Variants in CERS3 observed in about 807,000 individuals in gnomAD.
CERS3 encodes the protein LAG1 homolog, ceramide synthase 3.
A neutral mutation model predicts 50.3 loss-of-function variants in CERS3; 33 were observed. That is an observed-to-expected ratio of 0.66 (90% confidence interval 0.50 to 0.88). The LOEUF (loss-of-function observed/expected upper bound fraction) is 0.88, where lower values mean the gene tolerates loss of function less well. CERS3 is among the 40% of genes least tolerant of loss of function. CERS3 has a pLI of 0.00. For missense variants in CERS3, 470 were observed against 460.3 expected (o/e 1.02, Z -0.19); for synonymous variants, 176 against 155.2 (o/e 1.13, Z -0.99).
chr15:100,442,073 C>T (rs1160403644), intron 11 of CERS3, among the ~76,000 whole-genome samples: 1 of 152,180 alleles, frequency 6.6e-6, no homozygotes, highest in African/African-American at 2.4e-5. Context: ...CCCCTACCTG[C>T]CCAGCAATTT....
intron 11 of CERS3, among the ~76,000 whole-genome samples, chr15:100,404,674 C>G (rs2030847205): frequency 6.6e-6 from 1 of 152,094 alleles, no homozygotes; most frequent in South Asian, 2.1e-4. Flanking sequence ...TAAAGCAATT[C>G]TGAAAAACAT....
intron 11 of CERS3, among the ~76,000 whole-genome samples, chr15:100,443,205 C>T (rs1464236251): frequency 6.6e-6 from 1 of 150,422 alleles, no homozygotes; most frequent in Non-Finnish European, 1.5e-5. Context: ...ACCTCTACTC[C>T]CTCCTTGGTG....
intron 6 of CERS3, 88 bp downstream of exon 6, chr15:100,479,897 TATTG>T (rs1022283846): frequency 1.1e-6 from 1 of 876,172 alleles, no homozygotes; most frequent in Admixed American, 2.5e-5. Context: ...CTGGTTATCT[TATTG>T]AAAGTACTAT....
intron 7 of CERS3, 113 bp downstream of exon 7, chr15:100,479,315 G>T: frequency 1.4e-6 from 1 of 707,200 alleles, no homozygotes. Flanking sequence ...AAAAGTGCCA[G>T]GGATGACACA....
intron 2 of CERS3, among the ~76,000 whole-genome samples, chr15:100,516,941 A>G (rs1026414840): frequency 2.0e-5 from 3 of 152,222 alleles, no homozygotes; most frequent in African/African-American, 7.2e-5. Context: ...CCCAGGACCT[A>G]GCGACCTGCT....
At chr15:100,457,696 T>TACCCC (rs2034421515) in intron 10 of CERS3, among the ~76,000 whole-genome samples, 1 of 152,224 alleles carries the variant, frequency 6.6e-6, no homozygotes, top group Non-Finnish European at 1.5e-5. Flanking sequence ...AGGGGTAGAA[T>TACCCC]TGTGTGCCAT....
intron 1 of CERS3, among the ~76,000 whole-genome samples, chr15:100,543,533 C>CTT (rs61663663): frequency 3.6e-5 from 5 of 139,754 alleles, no homozygotes; most frequent in African/African-American, 1.3e-4. Flanking sequence ...TCCTTTCTTT[C>CTT]TTTTTTTTTT....
At chr15:100,443,753 T>C (rs1407029867) in intron 11 of CERS3, among the ~76,000 whole-genome samples, 6 of 151,806 alleles carry the variant, frequency 4.0e-5, no homozygotes, top group Non-Finnish European at 8.8e-5. Flanking sequence ...ACACGTGCTC[T>C]CCCTGCCGAT....
intron 11 of CERS3, 110 bp downstream of exon 11, chr15:100,455,782 GA>G: frequency 1.3e-6 from 1 of 754,560 alleles, no homozygotes; most frequent in Non-Finnish European, 1.9e-6. Flanking sequence ...ATAAAATCAA[GA>G]AAAAAGAATT....
At chr15:100,452,621 T>C (rs760998901) in intron 11 of CERS3, among the ~76,000 whole-genome samples, 1 of 151,078 alleles carries the variant, frequency 6.6e-6, no homozygotes, top group Non-Finnish European at 1.5e-5. Flanking sequence ...ATAAACCAAA[T>C]GCAAAATTAA....
At chr15:100,427,567 G>C (rs1027533100) in intron 11 of CERS3, among the ~76,000 whole-genome samples, 1 of 152,166 alleles carries the variant, frequency 6.6e-6, no homozygotes, top group Non-Finnish European at 1.5e-5. Context: ...CAGAGCCCCA[G>C]GTGCCTGGAT....
intron 2 of CERS3, among the ~76,000 whole-genome samples, chr15:100,510,575 G>C (rs1387755044): frequency 6.6e-6 from 1 of 152,240 alleles, no homozygotes; most frequent in African/African-American, 2.4e-5. Flanking sequence ...GTTACACCTG[G>C]TATGTGGCTG....
At chr15:100,432,730 T>C (rs1221119074) in intron 11 of CERS3, among the ~76,000 whole-genome samples, 1 of 151,820 alleles carries the variant, frequency 6.6e-6, no homozygotes, top group Non-Finnish European at 1.5e-5. Context: ...TTCGAAAGAG[T>C]TGTATGTATT....
intron 1 of CERS3, among the ~76,000 whole-genome samples, chr15:100,522,859 C>G (rs911952940): frequency 1.3e-5 from 2 of 152,108 alleles, no homozygotes. Context: ...AGTGGAAACG[C>G]CAGGTCATAA....
chr15:100,442,513 G>A (rs1316895244), intron 11 of CERS3, among the ~76,000 whole-genome samples: 1 of 152,192 alleles, frequency 6.6e-6, no homozygotes, highest in African/African-American at 2.4e-5. Context: ...TACCTGAACT[G>A]CAGCGGCCAG....
intron 1 of CERS3, among the ~76,000 whole-genome samples, chr15:100,538,210 G>A (rs932840553): frequency 1.3e-5 from 2 of 152,180 alleles, no homozygotes; most frequent in African/African-American, 4.8e-5. Flanking sequence ...GGCTGGCATT[G>A]AGTGTTTGTG....
chr15:100,539,059 G>A lies in CERS3; in HGVS notation c.-355+5592C>T, dbSNP rs568203957. ...AAGTTCCACAGATCTCTAGGGCAGGGGAAAAATGCCACCAGCCTCTTTGCC... is the reference window on the plus strand; with the variant it reads ...AAGTTCCACAGATCTCTAGGGCAGGAGAAAAATGCCACCAGCCTCTTTGCC... On this transcript the variant is annotated intron_variant, in intron 1 of 12. Transcript: ENST00000284382. Among the ~76,000 whole-genome samples, 96 of 152,188 alleles carry A rather than the reference G, an allele frequency of 6.3e-4. 1 individual carries two copies. Among genetic ancestry groups the A allele is most frequent in the African/African-American group, 2.3e-3 (95 of 41,490 alleles).
At chr15:100,432,671 G>T (rs2033193445) in intron 11 of CERS3, among the ~76,000 whole-genome samples, 1 of 152,326 alleles carries the variant, frequency 6.6e-6, no homozygotes, top group Non-Finnish European at 1.5e-5. Context: ...TAGAACAAGA[G>T]AGTGATGAGG....
chr15:100,444,353 A>G (rs2033842379), intron 11 of CERS3, among the ~76,000 whole-genome samples: 2 of 121,854 alleles, frequency 1.6e-5, no homozygotes. Context: ...CCGGACTTCA[A>G]TCCGGCCTCC....
Sources: allele counts gnomAD v4.1 joint callset (sites outside exome capture counted in the v4.1 genomes callset), GRCh38; gene constraint gnomAD v4.1.1; transcripts MANE v1.5; gene names NCBI Gene and HGNC (gene_info 2026-07-23, HGNC 2026-07-21).